DNAH8: variants seen among roughly 807,000 people sequenced by gnomAD.
The protein encoded by DNAH8 is dynein axonemal heavy chain 8, also known as axonemal beta dynein heavy chain 8.
A neutral mutation model predicts 562.1 loss-of-function variants in DNAH8; 382 were observed. The ratio of observed to expected loss-of-function variants is 0.68; its 90% CI spans 0.63 to 0.74. The LOEUF (loss-of-function observed/expected upper bound fraction) is 0.74. Ranked by LOEUF, DNAH8 falls within the 30% of genes least tolerant of loss-of-function variation. DNAH8 has a pLI of 0.00. For synonymous variants in DNAH8, 1,881 were observed against 1,919.4 expected, an observed-to-expected ratio of 0.98 and a Z score of 0.52; for missense variants, 5,203 against 5,620.4, an observed-to-expected ratio of 0.93 and a Z score of 2.37.
At chr6:38,937,473 T>G (rs1047472247) in intron 77 of DNAH8, among the ~76,000 whole-genome samples, 2 of 152,208 alleles carry the variant, frequency 1.3e-5, no homozygotes. Context: ...GAGTTTTCTA[T>G]AGCAACGACT....
chr6:38,830,489 G>T (rs1177991607), intron 30 of DNAH8, among the ~76,000 whole-genome samples: 1 of 151,918 alleles, frequency 6.6e-6, no homozygotes, highest in Non-Finnish European at 1.5e-5. Context: ...AAAAAAATCA[G>T]CCAGGCATGG....
At position 38,783,120 on chromosome 6, in the gene DNAH8, G is replaced by C; in HGVS notation, c.2376G>C (p.Glu792Asp). The C allele has an allele frequency of 6.2e-7, 1 of 1,614,004 alleles. No homozygotes were observed. Among genetic ancestry groups the C allele is most frequent in the Non-Finnish European group, 8.5e-7 (1 of 1,179,910 alleles). Residue 792 changes from glutamate (E) to aspartate (D), a missense_variant, in exon 17 of 93, where the codon GAG (glutamate) becomes GAC (aspartate). Physicochemically the swap from Glu to Asp is conservative, Grantham distance 45. Transcript: ENST00000327475. The stretch of plus-strand genomic sequence containing the variant: ...TCTATCACACAGCCTGGATCAGAGA[G>C]ATTTCACAGTTGCATTACGGTGTGT... ...EVVYHTAWIR[E>D]ISQLHYALQA...
chr6:39,022,712 C>T (rs1363144394), intron 91 of DNAH8, among the ~76,000 whole-genome samples: 4 of 152,114 alleles, frequency 2.6e-5, no homozygotes, highest in African/African-American at 9.7e-5. Flanking sequence ...TCGTGTGATC[C>T]CAGGGGTGCA....
chr6:38,868,964 A>T (rs1008308389), intron 48 of DNAH8, among the ~76,000 whole-genome samples: 12 of 152,118 alleles, frequency 7.9e-5, no homozygotes, highest in African/African-American at 2.9e-4. Flanking sequence ...TAAGCCACCA[A>T]GCCCAGCCCA....
At chr6:39,024,976 C>T (rs560286750) in intron 91 of DNAH8, among the ~76,000 whole-genome samples, 1 of 152,324 alleles carries the variant, frequency 6.6e-6, no homozygotes, top group African/African-American at 2.4e-5. Context: ...AGTGGGCACT[C>T]CGAGTAAATG....
At chr6:38,940,656 T>C (rs978626947) in intron 79 of DNAH8, among the ~76,000 whole-genome samples, 1 of 152,144 alleles carries the variant, frequency 6.6e-6, no homozygotes, top group Non-Finnish European at 1.5e-5. Flanking sequence ...GTGACACATG[T>C]CACTTACGCT....
intron 70 of DNAH8, 33 bp downstream of exon 70, chr6:38,918,173 A>G (rs764788772): frequency 1.2e-5 from 18 of 1,478,250 alleles, no homozygotes; most frequent in African/African-American, 4.2e-5. Context: ...CAGTAAATCA[A>G]TATTTCATAA....
chr6:38,961,134 A>G (rs72853773), intron 82 of DNAH8, among the ~76,000 whole-genome samples: 36,420 of 151,882 alleles, frequency 0.24, 5,495 homozygotes, highest in Non-Finnish European at 0.34. Flanking sequence ...AACAAATTTG[A>G]TCTCTTAGAA....
intron 76 of DNAH8, 137 bp downstream of exon 76, chr6:38,932,130 C>G: frequency 1.8e-6 from 1 of 558,722 alleles, no homozygotes; most frequent in Non-Finnish European, 2.9e-6. Context: ...ATTTCTTTTG[C>G]AGCCTTAATT....
At chr6:38,823,796 G>T in intron 28 of DNAH8, 108 bp downstream of exon 28, 1 of 524,452 alleles carries the variant, frequency 1.9e-6, no homozygotes, top group Non-Finnish European at 3.2e-6. Flanking sequence ...ATTATACCAA[G>T]ATATAATAAT....
chr6:38,855,544 G>C (rs748104328), intron 41 of DNAH8, among the ~76,000 whole-genome samples: 76 of 151,980 alleles, frequency 5.0e-4, no homozygotes, highest in Admixed American at 2.8e-3. Flanking sequence ...ACATATTTAT[G>C]GGGTGCATAG....
At chr6:38,864,721 C>T (rs941437227) in intron 45 of DNAH8, among the ~76,000 whole-genome samples, 4 of 152,118 alleles carry the variant, frequency 2.6e-5, no homozygotes, top group South Asian at 2.1e-4. Context: ...GCCATCCTAT[C>T]GTGTAACTAG....
At chr6:38,868,261 AGTAGAGGTAG>A (rs1351352786) in intron 48 of DNAH8, 65 bp downstream of exon 48, 6 of 1,484,098 alleles carry the variant, frequency 4.0e-6, no homozygotes, top group Non-Finnish European at 4.6e-6. Flanking sequence ...TTGGTGGACA[AGTAGAGGTAG>A]GCTGATGTTG....
chr6:38,942,165 T>C (rs1377116420), intron 79 of DNAH8, among the ~76,000 whole-genome samples: 1 of 152,090 alleles, frequency 6.6e-6, no homozygotes, highest in East Asian at 1.9e-4. Context: ...CTGTTGTTTC[T>C]AAGCCACCCA....
At chr6:38,718,260 T>C (rs2127559147) in intron 1 of DNAH8, among the ~76,000 whole-genome samples, 1 of 152,216 alleles carries the variant, frequency 6.6e-6, no homozygotes, top group South Asian at 2.1e-4. Flanking sequence ...TGTGTCTGTA[T>C]ATATATTGTA....
At chr6:38,961,949 A>G (rs1181633849) in intron 82 of DNAH8, among the ~76,000 whole-genome samples, 1 of 151,976 alleles carries the variant, frequency 6.6e-6, no homozygotes, top group African/African-American at 2.4e-5. Flanking sequence ...ATCAACGGAA[A>G]AACTATTAGA....
intron 92 of DNAH8, among the ~76,000 whole-genome samples, chr6:39,028,935 A>G (rs1202288326): frequency 1.3e-5 from 2 of 152,208 alleles, no homozygotes; most frequent in Non-Finnish European, 2.9e-5. Flanking sequence ...TTTGCAATGA[A>G]TCTTACTGTC....
chr6:38,726,126 T>G (rs1464026996), intron 3 of DNAH8, among the ~76,000 whole-genome samples: 1 of 152,200 alleles, frequency 6.6e-6, no homozygotes, highest in East Asian at 1.9e-4. Flanking sequence ...AGTCCTGCAT[T>G]TGGCTAGGGA....
intron 49 of DNAH8, 47 bp downstream of exon 49, chr6:38,870,609 A>C (rs1478091945): frequency 1.3e-6 from 2 of 1,545,530 alleles, no homozygotes; most frequent in Admixed American, 1.8e-5. Context: ...AGTATGTGTT[A>C]AACATTCCTG....
Sources: allele counts gnomAD v4.1 joint callset (sites outside exome capture counted in the v4.1 genomes callset), GRCh38; gene constraint gnomAD v4.1.1; transcripts MANE v1.5; gene names NCBI Gene and HGNC (gene_info 2026-07-23, HGNC 2026-07-21).